GUCY2F: variants seen among roughly 807,000 people sequenced by gnomAD.
GUCY2F encodes retinal guanylyl cyclase 2.
GUCY2F carries 61 observed loss-of-function variants against 73.1 expected under a neutral mutation model. The observed-to-expected ratio is 0.83, with a 90% confidence interval of 0.68 to 1.03. GUCY2F has a LOEUF of 1.03. GUCY2F is among the 50% of genes least tolerant of loss of function. The pLI is 0.00. For synonymous variants in GUCY2F, 331 were observed against 307.8 expected, an observed-to-expected ratio of 1.08 and a Z score of -0.79; for missense variants, 912 against 854.3, an observed-to-expected ratio of 1.07 and a Z score of -0.84.
chrX:109,388,321 AG>A (rs1377607518), intron 15 of GUCY2F, among the ~76,000 whole-genome samples, 167 bp downstream of exon 15: 1 of 111,960 alleles, frequency 8.9e-6, no homozygotes, highest in Admixed American at 9.4e-5. Flanking sequence ...GTGTTAGTGC[AG>A]GTACTGGGAG....
intron 7 of GUCY2F, among the ~76,000 whole-genome samples, chrX:109,436,740 G>A (rs1343187303): frequency 1.9e-5 from 2 of 107,716 alleles, no homozygotes; most frequent in Non-Finnish European, 1.9e-5. Flanking sequence ...AACAATGAGA[G>A]CACATGGACA....
chrX:109,431,835 T>C (rs915522060), intron 7 of GUCY2F, among the ~76,000 whole-genome samples: 15 of 109,218 alleles, frequency 1.4e-4, no homozygotes, highest in Non-Finnish European at 2.9e-4. Flanking sequence ...GCACTTTGTA[T>C]TAGCATTTAC....
intron 19 of GUCY2F, among the ~76,000 whole-genome samples, chrX:109,374,486 G>GT (rs1416324985): frequency 8.9e-6 from 1 of 112,133 alleles, no homozygotes; most frequent in East Asian, 2.8e-4. Flanking sequence ...GCCAATGATG[G>GT]TAAGTGAGTT....
rs57914231 is a variant in GUCY2F, at chrX:109,431,542, C to CA, written c.1702-1147dup. On this transcript the variant is annotated intron_variant, in intron 7 of 19. Coordinates refer to ENST00000218006, the MANE Select transcript of GUCY2F (RefSeq NM_001522.3). ...TGAAACCTCGTCTCTACTAAAAATA[C>CA]AAAAAAATCAGCCGGGCGTGGTGGC... is the stretch of plus-strand genomic sequence containing the variant. Among the ~76,000 whole-genome samples, 3 of 109,292 alleles carry CA rather than the reference C, an allele frequency of 2.7e-5. No individual in the cohort carries two copies. The Admixed American group carries it at 2.9e-4, about 11-fold the overall frequency. 94.9% of individuals were successfully genotyped at this position (109,292 alleles called of 115,157 possible). A position where few individuals can be genotyped will look rare whatever the true frequency, so the allele number is the denominator to read the frequency against.
chrX:109,377,780 T>A (rs1489664703), intron 17 of GUCY2F, among the ~76,000 whole-genome samples: 2 of 111,258 alleles, frequency 1.8e-5, no homozygotes, highest in Non-Finnish European at 3.8e-5. Context: ...CAAGGGAGCT[T>A]TGTAGAGGGA....
chrX:109,432,678 A>G (rs1931643023), intron 7 of GUCY2F, among the ~76,000 whole-genome samples: 1 of 112,125 alleles, frequency 8.9e-6, no homozygotes, highest in Non-Finnish European at 1.9e-5. Flanking sequence ...GGCTGTATAC[A>G]TACAAGTACC....
At chrX:109,446,322 T>C (rs774018036) in intron 6 of GUCY2F, among the ~76,000 whole-genome samples, 1 of 111,911 alleles carries the variant, frequency 8.9e-6, no homozygotes, top group East Asian at 2.8e-4. Context: ...GCCAAGAGAA[T>C]GCTAAGCCCA....
intron 8 of GUCY2F, among the ~76,000 whole-genome samples, chrX:109,429,945 G>A (rs1429240273): frequency 1.8e-5 from 2 of 112,607 alleles, no homozygotes; most frequent in East Asian, 5.5e-4. Flanking sequence ...GAAGCTATGT[G>A]CCAGGAAATG....
chrX:109,414,164 G>T (rs1157238747), intron 8 of GUCY2F, among the ~76,000 whole-genome samples: 5 of 110,692 alleles, frequency 4.5e-5, no homozygotes, highest in Admixed American at 3.8e-4. Flanking sequence ...TAGAGACAGG[G>T]TTTCACCATG....
At chrX:109,397,546 T>G (rs1930738459) in intron 11 of GUCY2F, among the ~76,000 whole-genome samples, 1 of 112,472 alleles carries the variant, frequency 8.9e-6, no homozygotes, top group South Asian at 3.7e-4. Context: ...GTTAATAACT[T>G]ACAGAAAAAT....
At chrX:109,463,861 C>A (rs889001994) in intron 3 of GUCY2F, among the ~76,000 whole-genome samples, 2 of 111,952 alleles carry the variant, frequency 1.8e-5, no homozygotes, top group African/African-American at 6.5e-5. Context: ...GAGGAACCAG[C>A]TCATGAGGGC....
chrX:109,398,763 A>G, intron 10 of GUCY2F, 65 bp from the exon 11 acceptor site: 1 of 1,005,735 alleles, frequency 9.9e-7, no homozygotes, highest in Non-Finnish European at 1.4e-6. Flanking sequence ...CAATGCCCTC[A>G]AGGGCTCAGA....
intron 2 of GUCY2F, among the ~76,000 whole-genome samples, chrX:109,471,511 GA>G (rs1932574239): frequency 8.9e-6 from 1 of 112,356 alleles, no homozygotes; most frequent in African/African-American, 3.2e-5. Context: ...ATGGTTTGAG[GA>G]GCAGAGACTG....
At chrX:109,462,943 ATG>A (rs937481129) in intron 3 of GUCY2F, among the ~76,000 whole-genome samples, 1 of 111,026 alleles carries the variant, frequency 9.0e-6, no homozygotes, top group Non-Finnish European at 1.9e-5. Flanking sequence ...GTTTTCAGTT[ATG>A]TGTGTGTGTG....
intron 19 of GUCY2F, 51 bp downstream of exon 19, chrX:109,375,840 AGCCCCAG>A: frequency 1.2e-6 from 1 of 823,589 alleles, no homozygotes; most frequent in Non-Finnish European, 1.8e-6. Flanking sequence ...TGCCAAAGGA[AGCCCCAG>A]ATTTGAAAAT....
rs1930577479 is a variant in GUCY2F at position 109,392,083 on chromosome X, T to C, written c.2609A>G (p.Lys870Arg). 4 of 1,203,742 alleles carry C rather than the reference T, an allele frequency of 3.3e-6. No individual in the cohort carries two copies. Among genetic ancestry groups the C allele is most frequent in the Non-Finnish European group, 4.5e-6 (4 of 891,231 alleles). The change falls in exon 14 of 20, where the codon AAA (lysine) becomes AGA (arginine). Residue 870 changes from lysine to arginine, a missense_variant. Physicochemically the swap from Lys to Arg is conservative, Grantham distance 26 (BLOSUM62 2). Transcript: ENST00000218006. Reference sequence around the variant, plus strand: ...CTCAGGTTCAACTGTGCAGCCCTTTTTGAGAGATTCAGCAACTGATCTGAA... The same window carrying C: ...CTCAGGTTCAACTGTGCAGCCCTTTCTGAGAGATTCAGCAACTGATCTGAA... ...MLPPSVAESLKKGCTVEPEGF... is the reference protein window; with the variant it reads ...MLPPSVAESLRKGCTVEPEGF...
At chrX:109,447,133 C>T in intron 6 of GUCY2F, among the ~76,000 whole-genome samples, 1 of 111,855 alleles carries the variant, frequency 8.9e-6, no homozygotes, top group Non-Finnish European at 1.9e-5. Flanking sequence ...ACAACAGGTG[C>T]TGGAGAGGAT....
At chrX:109,400,396 G>T (rs1234838019) in intron 10 of GUCY2F, among the ~76,000 whole-genome samples, 1 of 111,245 alleles carries the variant, frequency 9.0e-6, no homozygotes, top group Non-Finnish European at 1.9e-5. Context: ...TAAGAGTGAG[G>T]GTATCAGGGA....
chrX:109,480,762 C>T (rs1194639011), intron 1 of GUCY2F, among the ~76,000 whole-genome samples: 1 of 110,145 alleles, frequency 9.1e-6, no homozygotes, highest in African/African-American at 3.3e-5. Flanking sequence ...TTTTCTGGTA[C>T]CGATGTGATG....
Sources: gnomAD v4.1 joint callset for allele counts (sites outside exome capture counted in the v4.1 genomes callset) on GRCh38, gnomAD v4.1.1 for gene constraint, MANE v1.5 for transcripts, NCBI Gene and HGNC (gene_info 2026-07-23, HGNC 2026-07-21) for gene names.